The following COL3A1 variants were observed in gnomAD, a reference collection of about 807,000 sequenced individuals.
COL3A1 encodes the protein collagen alpha-1(III) chain.
A neutral mutation model predicts 200.9 loss-of-function variants in COL3A1; 46 were observed. The observed-to-expected ratio is 0.23, with a 90% CI of 0.18 to 0.29. The LOEUF (loss-of-function observed/expected upper bound fraction) is 0.29. Among genes scored for constraint, COL3A1 ranks in the 10% least tolerant of loss-of-function variants. COL3A1 has a pLI of 1.00. For synonymous variants in COL3A1, 650 were observed against 628.0 expected, an observed-to-expected ratio of 1.03 and a Z score of -0.52; for missense variants, 1,367 against 1,917.6, an observed-to-expected ratio of 0.71 and a Z score of 5.36.
chr2:189,007,988 A>T, intron 46 of COL3A1, 47 bp from the exon 47 acceptor site: 1 of 1,614,028 alleles, frequency 6.2e-7, no homozygotes, highest in Non-Finnish European at 8.5e-7. Context: ...AGATGTCTGC[A>T]TTTCAGAAAG....
intron 5 of COL3A1, 94 bp from the exon 6 acceptor site, chr2:188,987,987 T>C (rs1299175527): frequency 1.1e-6 from 1 of 930,836 alleles, no homozygotes; most frequent in Non-Finnish European, 1.8e-6. Context: ...TAGTTGTTCA[T>C]AGTTTTAACA....
intron 31 of COL3A1, 53 bp downstream of exon 31, chr2:188,999,630 A>T (rs1027861339): frequency 7.6e-6 from 12 of 1,568,822 alleles, no homozygotes; most frequent in Admixed American, 3.4e-5. Context: ...TGTAGGTTTT[A>T]AAAAAAGCAA....
chr2:188,992,981 G>A (rs759262859), intron 15 of COL3A1, 41 bp downstream of exon 15: 6 of 1,585,320 alleles, frequency 3.8e-6, no homozygotes, highest in Non-Finnish European at 2.6e-6. Context: ...AAATATCTTG[G>A]AGGCAAGAGA....
chr2:188,999,928 A>G (rs369640003), intron 32 of COL3A1, 33 bp downstream of exon 32: 1 of 1,567,764 alleles, frequency 6.4e-7, no homozygotes, highest in East Asian at 2.3e-5. Flanking sequence ...AGCAGGCCTT[A>G]TCTATATGTC....
Position 188,984,970 on chromosome 2 carries a change from TA to T in COL3A1, c.282+11del. ...CCACAGCCTCCAACTGCTGTGAGTT[TA>T]AAGATAAACTGTACATCTTCAATAT... is the stretch of plus-strand genomic sequence containing the variant. On this transcript the variant is annotated intron_variant, in intron 2 of 50. Coordinates refer to ENST00000304636, the MANE Select transcript of COL3A1 (RefSeq NM_000090.4). 6.2e-7 allele frequency: 1 copy of T among 1,611,266 alleles called. No homozygotes were observed. The highest frequency in any genetic ancestry group is 8.5e-7 in the Non-Finnish European group (1 of 1,178,088).
chr2:189,007,161 TGATAGATAGATAGATAGATAGATAGATA>T lies in COL3A1; in HGVS notation c.3255+194_3255+221del, dbSNP rs60243485. ...TATATTTGTTCTATCTATAGATAGA[TGATAGATAGATAGATAGATAGATAGATA>T]GATAGATAGATAGATAGATAGAACA... On this transcript the variant is annotated intron_variant, in intron 44 of 50. Transcript: ENST00000304636. Among the ~76,000 whole-genome samples, 2,600 of 116,328 alleles carry T rather than the reference TGATAGATAGATAGATAGATAGATAGATA, an allele frequency of 0.022. 96 individuals are homozygous for T. The highest frequency in any genetic ancestry group is 0.078 in the African/African-American group (2,484 of 31,948). 76.3% of individuals were successfully genotyped at this position (116,328 alleles called of 152,430 possible).
At chr2:189,003,162 A>C in intron 36 of COL3A1, 100 bp downstream of exon 36, 4 of 991,520 alleles carry the variant, frequency 4.0e-6, no homozygotes, top group Non-Finnish European at 6.3e-6. Context: ...CCCCCTCTGT[A>C]AGTCCTAAGT....
Position 188,999,287 on chromosome 2 carries a change from T to C in COL3A1, c.2025T>C (p.Gly675=). The C allele has an allele frequency of 6.4e-7, 1 of 1,568,660 alleles. No homozygotes were observed. The highest frequency in any genetic ancestry group is 1.2e-5 in the South Asian group (1 of 85,792). ...TTATTTACATATTTTTGTCACAGGGTGATGCTGGTGCCCCTGGTGAACGTG... is the reference window on the plus strand; with the variant it reads ...TTATTTACATATTTTTGTCACAGGGCGATGCTGGTGCCCCTGGTGAACGTG... ...AGAPGAPGGK[G]DAGAPGERGP... Residue 675 remains glycine (G), a splice_region_variant and synonymous_variant, in exon 30 of 51, where the codon GGT becomes GGC. Coordinates refer to ENST00000304636, the MANE Select transcript of COL3A1 (RefSeq NM_000090.4).
At chr2:189,007,749 C>T in intron 45 of COL3A1, 136 bp from the exon 46 acceptor site, 1 of 1,250,078 alleles carries the variant, frequency 8.0e-7, no homozygotes, top group African/African-American at 1.5e-5. Flanking sequence ...CAACAATCAG[C>T]ATGACACAAT....
In COL3A1 at chr2:189,010,910, A is replaced by G. The variant is rs1394742780; in HGVS notation, c.4254+20A>G. The G allele has an allele frequency of 2.5e-6, 4 of 1,613,922 alleles. No homozygotes were observed. The highest frequency in any genetic ancestry group is 3.3e-5 in the Admixed American group (2 of 60,018). ...TGCACGGTAGGAAACATTTTTCTCA[A>G]TATAGGTCATAAAGCAGTCAGCATT... On this transcript the variant is annotated intron_variant, in intron 50 of 50. Transcript: ENST00000304636.
At chr2:188,992,432 T>G (rs897850414) in intron 14 of COL3A1, among the ~76,000 whole-genome samples, 5 of 152,180 alleles carry the variant, frequency 3.3e-5, no homozygotes, top group African/African-American at 1.2e-4. Flanking sequence ...TAATATTGTA[T>G]ATACACTCCT....
At chr2:188,982,769 T>C (rs997047633) in intron 1 of COL3A1, among the ~76,000 whole-genome samples, 3 of 151,882 alleles carry the variant, frequency 2.0e-5, no homozygotes, top group Non-Finnish European at 4.4e-5. Context: ...TAAAGTTGAT[T>C]TGGAGAAAAT....
rs756640620 is a variant in COL3A1, at chr2:189,009,109, A to T, written c.3711A>T (p.Ser1237=). 1.2e-6 allele frequency: 2 copies of T among 1,614,042 alleles called. No individual in the cohort carries two copies. Among genetic ancestry groups the T allele is most frequent in the Non-Finnish European group, 8.5e-7 (1 of 1,180,030 alleles). Residue 1237 remains serine (S), a synonymous_variant, in exon 48 of 51, where the codon TCA becomes TCT. Transcript: ENST00000304636. ...FKINTDEIMT[S]LKSVNGQIES... ...TCAACACCGATGAGATTATGACTTC[A>T]CTCAAGTCTGTTAATGGACAAATAG...
intron 1 of COL3A1, among the ~76,000 whole-genome samples, chr2:188,983,568 T>C (rs1223504302): frequency 6.6e-6 from 1 of 151,946 alleles, no homozygotes; most frequent in African/African-American, 2.4e-5. Flanking sequence ...TGGCTGCATG[T>C]AGTGCCCAGA....
Position 189,005,477 on chromosome 2 carries a change from C to T in COL3A1, c.3039+20C>T, listed in dbSNP as rs1335607578. 3.8e-6 allele frequency: 6 copies of T among 1,583,854 alleles called. No homozygotes were observed. The South Asian group carries it at 5.5e-5, about 15-fold the overall frequency. On this transcript the variant is annotated intron_variant, in intron 41 of 50. Transcript: ENST00000304636. ...AGAGATGTGAGTAGCAGTTTTTATT[C>T]AACCAGCCAGGTAGAATTTGATAAT...
In COL3A1 at chr2:189,010,343, A is replaced by T. The variant is rs765772753; in HGVS notation, c.3989A>T (p.Glu1330Val). Residue 1330 changes from glutamate (E) to valine (V), a missense_variant, in exon 49 of 51, where the codon GAG becomes GTG. Physicochemically the swap from Glu to Val is moderately radical, Grantham distance 121. This residue lies in a region of COL3A1 where 846 missense variants were observed against 1,147.9 expected (regional missense o/e 0.74). Coordinates refer to ENST00000304636, the MANE Select transcript of COL3A1 (RefSeq NM_000090.4). ...SAEKKHVWFG[E>V]SMDGGFQFSY... The stretch of plus-strand genomic sequence containing the variant: ...GAGAAGAAACACGTTTGGTTTGGAG[A>T]GTCCATGGATGGTGGTTTTCAGGTA... 6.2e-7 allele frequency: 1 copy of T among 1,614,164 alleles called. No individual in the cohort carries two copies. Among genetic ancestry groups the T allele is most frequent in the East Asian group, 2.2e-5 (1 of 44,862 alleles).
intron 27 of COL3A1, 130 bp downstream of exon 27, chr2:188,997,883 A>G (rs747952065): frequency 9.6e-6 from 8 of 829,054 alleles, no homozygotes; most frequent in Admixed American, 2.0e-5. Flanking sequence ...ATTTTAGGCA[A>G]TGTTAATAGG....
intron 15 of COL3A1, 127 bp downstream of exon 15, chr2:188,993,067 A>T: frequency 1.2e-6 from 1 of 866,822 alleles, no homozygotes; most frequent in Non-Finnish European, 1.9e-6. Flanking sequence ...CATGTCTTTA[A>T]AGCCCTATTC....
chr2:188,986,193 T>C (rs1688061000), intron 4 of COL3A1, among the ~76,000 whole-genome samples: 1 of 152,062 alleles, frequency 6.6e-6, no homozygotes, highest in African/African-American at 2.4e-5. Flanking sequence ...GAACTGTTAG[T>C]ATTCCTATTG....
Sources: allele counts gnomAD v4.1 joint callset (sites outside exome capture counted in the v4.1 genomes callset), GRCh38; gene constraint gnomAD v4.1.1; regional missense constraint gnomAD v4.1.1; transcripts MANE v1.5; gene names NCBI Gene and HGNC (gene_info 2026-07-23, HGNC 2026-07-21).